The following DAB1 variants were observed in gnomAD, a reference collection of about 807,000 sequenced individuals.
DAB1 encodes DAB adaptor protein 1.
DAB1 carries 15 observed loss-of-function variants against 64.6 expected under a neutral mutation model. The ratio of observed to expected loss-of-function variants is 0.23; its 90% CI spans 0.16 to 0.36. The LOEUF (loss-of-function observed/expected upper bound fraction) is 0.36. DAB1 is among the 10% of genes least tolerant of loss of function. The pLI is 1.00. For synonymous variants in DAB1, 235 were observed against 251.9 expected (o/e 0.93, Z 0.64); for missense variants, 596 against 706.7 (o/e 0.84, Z 1.78).
chr1:57,840,987 A>G (rs1316268635), intron 1 of DAB1, among the ~76,000 whole-genome samples: 1 of 152,212 alleles, frequency 6.6e-6, no homozygotes, highest in Non-Finnish European at 1.5e-5. Flanking sequence ...CCAAAGTCTC[A>G]TCTGAGACAA....
At chr1:57,713,507 GA>G (rs1647050131) in intron 6 of DAB1, among the ~76,000 whole-genome samples, 1 of 152,164 alleles carries the variant, frequency 6.6e-6, no homozygotes. Context: ...GAAAAGAGGG[GA>G]AGATGGTGGA....
chr1:57,396,286 C>A (rs186042276), intron 1 of DAB1, among the ~76,000 whole-genome samples: 33 of 152,368 alleles, frequency 2.2e-4, no homozygotes, highest in Non-Finnish European at 3.8e-4. Context: ...CCATGCCAAA[C>A]AAGCCAGAGT....
intron 6 of DAB1, among the ~76,000 whole-genome samples, chr1:57,785,484 G>A (rs1392678522): frequency 6.6e-6 from 1 of 152,144 alleles, no homozygotes; most frequent in East Asian, 1.9e-4. Context: ...GTGACTCAAG[G>A]GAGGAAGTCA....
intron 5 of DAB1, among the ~76,000 whole-genome samples, chr1:58,080,682 T>C (rs1454373307): frequency 6.6e-6 from 1 of 152,222 alleles, no homozygotes; most frequent in Non-Finnish European, 1.5e-5. Flanking sequence ...GCTAGTTTTG[T>C]CTTGAAGGCT....
At chr1:57,480,106 C>A (rs1445193179) in intron 7 of DAB1, among the ~76,000 whole-genome samples, 1 of 149,208 alleles carries the variant, frequency 6.7e-6, no homozygotes, top group Non-Finnish European at 1.5e-5. Context: ...GAGTCGAGAT[C>A]GCGCCACTGC....
intron 7 of DAB1, among the ~76,000 whole-genome samples, chr1:57,453,462 T>C (rs958507209): frequency 6.6e-6 from 1 of 152,178 alleles, no homozygotes; most frequent in Non-Finnish European, 1.5e-5. Context: ...CATACTGTTT[T>C]ACTGAAACTT....
At chr1:58,117,206 C>T (rs1196591492) in intron 5 of DAB1, among the ~76,000 whole-genome samples, 1 of 152,196 alleles carries the variant, frequency 6.6e-6, no homozygotes, top group Admixed American at 6.5e-5. Flanking sequence ...AGCTCAGAGG[C>T]TTCCCTGCCT....
chr1:57,656,535 G>T (rs1458615141), intron 6 of DAB1, among the ~76,000 whole-genome samples: 1 of 152,206 alleles, frequency 6.6e-6, no homozygotes, highest in Non-Finnish European at 1.5e-5. Flanking sequence ...ACTGCAGTTT[G>T]TTAGCTGAGA....
At chr1:58,391,297 G>C (rs12071279) in intron 3 of DAB1, among the ~76,000 whole-genome samples, 4,191 of 152,326 alleles carry the variant, frequency 0.028, 195 homozygotes, top group African/African-American at 0.097. Context: ...GCAATAGCCA[G>C]ATTGTGTCGC....
intron 5 of DAB1, among the ~76,000 whole-genome samples, chr1:58,101,804 T>G (rs1045658735): frequency 1.5e-4 from 23 of 152,026 alleles, no homozygotes; most frequent in African/African-American, 5.5e-4. Context: ...AACAGAAGAG[T>G]AAACACAAAG....
chr1:57,472,572 C>T (rs1396619494), intron 7 of DAB1, among the ~76,000 whole-genome samples: 1 of 152,160 alleles, frequency 6.6e-6, no homozygotes, highest in African/African-American at 2.4e-5. Flanking sequence ...AATCCCTATC[C>T]TGTTTTGTTC....
chr1:57,168,219 G>C (rs770932882), intron 2 of DAB1, among the ~76,000 whole-genome samples: 1 of 152,164 alleles, frequency 6.6e-6, no homozygotes, highest in East Asian at 1.9e-4. Flanking sequence ...TGAAATGTCA[G>C]TGGTTTCTCA....
At chr1:57,559,510 CG>C (rs1158008637) in intron 7 of DAB1, among the ~76,000 whole-genome samples, 2 of 152,148 alleles carry the variant, frequency 1.3e-5, no homozygotes, top group African/African-American at 4.8e-5. Context: ...TCAGACATTT[CG>C]GGGACTATTG....
At chr1:58,337,872 G>A (rs1663159701) in intron 4 of DAB1, among the ~76,000 whole-genome samples, 1 of 152,068 alleles carries the variant, frequency 6.6e-6, no homozygotes. Context: ...TAGAGTTTCA[G>A]TCATGCAAAA....
At chr1:57,729,632 C>T (rs1260738210) in intron 6 of DAB1, among the ~76,000 whole-genome samples, 1 of 152,248 alleles carries the variant, frequency 6.6e-6, no homozygotes, top group African/African-American at 2.4e-5. Flanking sequence ...CTCCAGAAGA[C>T]AGAGAATGGC....
At chr1:57,127,117 C>T (rs1657191796) in intron 4 of DAB1, among the ~76,000 whole-genome samples, 4 of 152,024 alleles carry the variant, frequency 2.6e-5, no homozygotes, top group Admixed American at 6.6e-5. Flanking sequence ...AATAGAAGCA[C>T]CTATTAAATA....
At chr1:58,161,485 C>T (rs970495318) in intron 4 of DAB1, among the ~76,000 whole-genome samples, 9 of 152,136 alleles carry the variant, frequency 5.9e-5, no homozygotes, top group South Asian at 2.1e-4. Context: ...TATATTGCAG[C>T]TGAAGCACTG....
At chr1:58,021,914 G>T (rs556880122) in intron 5 of DAB1, among the ~76,000 whole-genome samples, 1 of 152,322 alleles carries the variant, frequency 6.6e-6, no homozygotes, top group African/African-American at 2.4e-5. Flanking sequence ...GCAGAAGGGG[G>T]TTGGGAACCA....
At chr1:57,351,143 T>C (rs74321942) in intron 1 of DAB1, among the ~76,000 whole-genome samples, 5,748 of 152,222 alleles carry the variant, frequency 0.038, 340 homozygotes, top group African/African-American at 0.13. Flanking sequence ...GTTCAAATCG[T>C]TGAGTCACTT....
Sources: allele counts gnomAD v4.1 joint callset (sites outside exome capture counted in the v4.1 genomes callset), GRCh38; gene constraint gnomAD v4.1.1; transcripts MANE v1.5; gene names NCBI Gene and HGNC (gene_info 2026-07-23, HGNC 2026-07-21).